ACTN4: variants seen among roughly 807,000 people sequenced by gnomAD.
ACTN4 encodes the protein actinin alpha 4, also known as alpha-actinin-4.
A neutral mutation model predicts 114.2 loss-of-function variants in ACTN4; 18 were observed. The observed-to-expected ratio is 0.16, with a 90% CI of 0.11 to 0.23. The LOEUF (loss-of-function observed/expected upper bound fraction) is 0.23, where lower values mean the gene tolerates loss of function less well. Ranked by LOEUF, ACTN4 falls within the 10% of genes least tolerant of loss-of-function variation. The pLI, the probability that ACTN4 is intolerant of heterozygous loss-of-function variation, is 1.00. For synonymous variants in ACTN4, 515 were observed against 506.3 expected (o/e 1.02, Z -0.23); for missense variants, 722 against 1,262.9 (o/e 0.57, Z 6.49).
intron 1 of ACTN4, among the ~76,000 whole-genome samples, chr19:38,672,684 C>T (rs1454419250): frequency 1.3e-5 from 2 of 152,066 alleles, no homozygotes; most frequent in Admixed American, 1.3e-4. Context: ...AGCAATTCTC[C>T]TGCCTCAGCC....
chr19:38,719,127 C>T (rs1254182042), intron 11 of ACTN4, among the ~76,000 whole-genome samples: 1 of 152,224 alleles, frequency 6.6e-6, no homozygotes, highest in Admixed American at 6.5e-5. Flanking sequence ...TTCATCACGT[C>T]CCTGGCCCTC....
At chr19:38,690,153 C>G (rs1396984412) in intron 1 of ACTN4, among the ~76,000 whole-genome samples, 3 of 152,204 alleles carry the variant, frequency 2.0e-5, no homozygotes, top group African/African-American at 7.2e-5. Flanking sequence ...TGGGCCACCC[C>G]CTTTGGTTCC....
intron 1 of ACTN4, among the ~76,000 whole-genome samples, chr19:38,681,804 T>G (rs943263700): frequency 6.6e-6 from 1 of 152,186 alleles, no homozygotes; most frequent in African/African-American, 2.4e-5. Context: ...GGATGCTACC[T>G]GAAGGCAGGT....
rs1193630770 is a variant in ACTN4, at chr19:38,730,419, G to C, written c.*987G>C. The C allele has an allele frequency of 2.2e-5, 4 of 185,092 alleles. No homozygotes were observed. Among genetic ancestry groups the C allele is most frequent in the Non-Finnish European group, 4.6e-5 (4 of 87,280 alleles). The allele number at this position is 185,092 out of a possible 1,614,324, so 11.5% of individuals were successfully genotyped here. On this transcript the variant is annotated 3_prime_UTR_variant, in exon 21 of 21. Transcript: ENST00000252699. Reference sequence around the variant, plus strand: ...TGGCTGCCTGGTGGTTGATGGTTTTGCTCCCCCTACCTTTTTTTTTTGAGT... The same window carrying C: ...TGGCTGCCTGGTGGTTGATGGTTTTCCTCCCCCTACCTTTTTTTTTTGAGT...
chr19:38,663,401 A>C (rs536355699), intron 1 of ACTN4, among the ~76,000 whole-genome samples: 1 of 152,336 alleles, frequency 6.6e-6, no homozygotes, highest in East Asian at 1.9e-4. Context: ...CGTGCTCTCA[A>C]AGAGCTCGCG....
intron 16 of ACTN4, 139 bp from the exon 17 acceptor site, chr19:38,725,585 C>T (rs1180153337): frequency 2.8e-5 from 25 of 882,492 alleles, no homozygotes; most frequent in Non-Finnish European, 3.5e-5. Context: ...GCCTTCCCTC[C>T]CAGGGACCCA....
At chr19:38,683,667 C>T (rs1466125357) in intron 1 of ACTN4, among the ~76,000 whole-genome samples, 3 of 152,338 alleles carry the variant, frequency 2.0e-5, no homozygotes, top group East Asian at 3.9e-4. Flanking sequence ...TCGGGCGTTG[C>T]CTGTGCAGTC....
intron 1 of ACTN4, among the ~76,000 whole-genome samples, chr19:38,690,343 C>T (rs970912673): frequency 3.3e-5 from 5 of 152,258 alleles, no homozygotes; most frequent in Non-Finnish European, 7.3e-5. Context: ...GTGTCTGCTG[C>T]ATTTCTGATC....
intron 4 of ACTN4, among the ~76,000 whole-genome samples, chr19:38,705,808 G>T (rs555562975): frequency 2.6e-5 from 4 of 152,208 alleles, no homozygotes; most frequent in Non-Finnish European, 5.9e-5. Context: ...TCTCCTCGGG[G>T]CCGTGAGGAT....
In ACTN4 at chr19:38,664,061, G is replaced by C. The variant is rs554559649; in HGVS notation, c.162+16154G>C. 2.0e-3 allele frequency among the ~76,000 whole-genome samples: 301 copies of C among 152,288 alleles called. 1 individual carries two copies. Among genetic ancestry groups the C allele is most frequent in the Non-Finnish European group, 3.3e-3 (226 of 68,028 alleles). The stretch of plus-strand genomic sequence containing the variant: ...ATGACCACGCGCAGCCGGAACGGCC[G>C]CCCTGTATTGAGAAGTGGGATCGGC... On this transcript the variant is annotated intron_variant, in intron 1 of 20. Transcript: ENST00000252699.
rs1278932266 is a variant in ACTN4, at chr19:38,717,404, T to C, written c.1143+88T>C. 2.6e-6 allele frequency: 4 copies of C among 1,513,260 alleles called. No individual in the cohort carries two copies. The highest frequency in any genetic ancestry group is 1.8e-6 in the Non-Finnish European group (2 of 1,119,214). The allele number at this position is 1,513,260 out of a possible 1,614,324, so 93.7% of individuals were successfully genotyped here. On this transcript the variant is annotated intron_variant, in intron 10 of 20. Coordinates refer to ENST00000252699, the MANE Select transcript of ACTN4 (RefSeq NM_004924.6). This position sits in a 1 kb window ranked among gnomAD's most constrained non-coding sequence, Gnocchi z 4.0. ...TGGGCAGTTTGGCCAGCGTAATCTT[T>C]CCTAAGTTGTTGATGTCCTGTGGGA...
intron 19 of ACTN4, 152 bp downstream of exon 19, chr19:38,728,178 TC>T: frequency 7.7e-7 from 1 of 1,300,728 alleles, no homozygotes; most frequent in South Asian, 1.3e-5. Context: ...CTGGACCCCT[TC>T]CCTTTTACCT....
intron 17 of ACTN4, 92 bp downstream of exon 17, chr19:38,725,995 C>T (rs186427127): frequency 1.5e-4 from 223 of 1,511,804 alleles, no homozygotes; most frequent in Non-Finnish European, 2.0e-4. Context: ...TAGCTGTCTG[C>T]TGTCTGTTGT....
In ACTN4 at chr19:38,708,108, C is replaced by CT. The variant is rs1192051003; in HGVS notation, c.573-7dup. ...GGCCCTCCTATAACCTTTGCCTTTCCTTCCCCAGCTGGAAGGATGGTCTTG... is the reference window on the plus strand; with the variant it reads ...GGCCCTCCTATAACCTTTGCCTTTCCTTTCCCCAGCTGGAAGGATGGTCTTG... On this transcript the variant is annotated splice_polypyrimidine_tract_variant and intron_variant, in intron 5 of 20. Transcript: ENST00000252699. 2 of 1,614,076 alleles carry CT rather than the reference C, an allele frequency of 1.2e-6. No homozygotes were observed. The highest frequency in any genetic ancestry group is 2.7e-5 in the African/African-American group (2 of 74,928).
chr19:38,682,809 T>C (rs1388883473), intron 1 of ACTN4, among the ~76,000 whole-genome samples: 1 of 152,184 alleles, frequency 6.6e-6, no homozygotes, highest in Admixed American at 6.5e-5. Flanking sequence ...ACCTAGCACC[T>C]TCCCTGGGAA....
rs1204569508 is a variant in ACTN4 at position 38,685,984 on chromosome 19, A to AG, written c.163-14616_163-14615insG. Among the ~76,000 whole-genome samples the AG allele has an allele frequency of 2.2e-4, 34 of 152,336 alleles. No individual in the cohort carries two copies. In the East Asian group the frequency reaches 6.2e-3, roughly 28 times the overall value. ...GGATCATTTGAATACTAGCAAAAAAACAAGCCATCTGCTGGAGAGATTGAA... is the reference window on the plus strand; with the variant it reads ...GGATCATTTGAATACTAGCAAAAAAAGCAAGCCATCTGCTGGAGAGATTGAA... On this transcript the variant is annotated intron_variant, in intron 1 of 20. Transcript: ENST00000252699.
chr19:38,730,636 T>G lies in ACTN4; in HGVS notation c.*1204T>G. 1 of 622,520 alleles carries G rather than the reference T, an allele frequency of 1.6e-6. No individual in the cohort carries two copies. Among genetic ancestry groups the G allele is most frequent in the Non-Finnish European group, 2.9e-6 (1 of 349,630 alleles). The allele number at this position is 622,520 out of a possible 1,614,324, so 38.6% of individuals were successfully genotyped here. A position where few individuals can be genotyped will look rare whatever the true frequency, so the allele number is the denominator to read the frequency against. On this transcript the variant is annotated 3_prime_UTR_variant, in exon 21 of 21. Coordinates refer to ENST00000252699, the MANE Select transcript of ACTN4 (RefSeq NM_004924.6). Reference sequence around the variant, plus strand: ...TCTTAAGCTGTCAACGTGGACTAGCTCGTGTCATCTGCTCGAGAAGGGCTG... The same window carrying G: ...TCTTAAGCTGTCAACGTGGACTAGCGCGTGTCATCTGCTCGAGAAGGGCTG...
chr19:38,723,369 C>T lies in ACTN4; in HGVS notation c.1443-245C>T, dbSNP rs1009167511. 2.0e-5 allele frequency among the ~76,000 whole-genome samples: 3 copies of T among 152,176 alleles called. 1 individual carries two copies. In the South Asian group the frequency reaches 6.2e-4, roughly 31 times the overall value. The stretch of plus-strand genomic sequence containing the variant: ...GGGATGGGTGAGCAGGAGGAAGCCG[C>T]TTCCCTTCTCACCCCTGGTTATCAC... On this transcript the variant is annotated intron_variant, in intron 12 of 20. Transcript: ENST00000252699.
intron 19 of ACTN4, 180 bp downstream of exon 19, chr19:38,728,206 T>C (rs1313043022): frequency 7.3e-7 from 1 of 1,363,020 alleles, no homozygotes; most frequent in Non-Finnish European, 1.0e-6. Context: ...TTGGGGCCGC[T>C]GTCTCCCTGC....
Sources: gnomAD v4.1 joint callset for allele counts (sites outside exome capture counted in the v4.1 genomes callset) on GRCh38, gnomAD v4.1.1 for gene constraint, Gnocchi (gnomAD v3.1) non-coding constraint, MANE v1.5 for transcripts, NCBI Gene and HGNC (gene_info 2026-07-23, HGNC 2026-07-21) for gene names.